Variants in NOVA2 observed in about 807,000 individuals in gnomAD.
NOVA2 encodes NOVA alternative splicing regulator 2.
Under a neutral mutation model 22.5 loss-of-function variants are expected in NOVA2, and 9 were observed. That is an observed-to-expected ratio of 0.40 (90% confidence interval 0.24 to 0.70). The LOEUF is 0.70. NOVA2 is among the 30% of genes least tolerant of loss of function. The pLI is 0.38. For missense variants in NOVA2, 383 were observed against 682.8 expected (o/e 0.56, Z 4.89); for synonymous variants, 318 against 335.2 (o/e 0.95, Z 0.56).
In NOVA2 at chr19:45,940,949, C is replaced by G. The variant is rs754374131; in HGVS notation, c.397-4G>C. On this transcript the variant is annotated splice_polypyrimidine_tract_variant and splice_region_variant and intron_variant, in intron 3 of 3. Transcript: ENST00000263257. Reference sequence around the variant, plus strand: ...TGTTGGGGACGATCAGCTTGGCCTGCGTGGGGAGCAAAAGGGAGGGTCTTT... The same window carrying G: ...TGTTGGGGACGATCAGCTTGGCCTGGGTGGGGAGCAAAAGGGAGGGTCTTT... The G allele has an allele frequency of 6.3e-7, 1 of 1,597,426 alleles. No individual in the cohort carries two copies. The highest frequency in any genetic ancestry group is 8.5e-7 in the Non-Finnish European group (1 of 1,177,858).
rs1967623661 is a variant in NOVA2 at position 45,933,786 on chromosome 19, G to T, written c.*6077C>A. The T allele has an allele frequency of 1.3e-5, 2 of 151,532 alleles. No individual in the cohort carries two copies. Among genetic ancestry groups the T allele is most frequent in the African/African-American group, 2.4e-5 (1 of 41,208 alleles). The allele number at this position is 151,532 out of a possible 1,614,324, so 9.4% of individuals were successfully genotyped here. A position where few individuals can be genotyped will look rare whatever the true frequency, so the allele number is the denominator to read the frequency against. On this transcript the variant is annotated 3_prime_UTR_variant, in exon 4 of 4. Transcript: ENST00000263257. ...AAAAGGTGAAGTCGCCGAGGGGAAA[G>T]GGGTGGGGAAAGGGGGTGTGGTGGG...
intron 2 of NOVA2, among the ~76,000 whole-genome samples, chr19:45,955,949 G>A (rs1158195528): frequency 1.3e-5 from 2 of 152,130 alleles, no homozygotes; most frequent in African/African-American, 4.8e-5. Flanking sequence ...TGGGATACCT[G>A]GGGTGTGTGT....
chr19:45,971,370 C>A (rs1019128335), intron 1 of NOVA2, among the ~76,000 whole-genome samples: 20 of 151,886 alleles, frequency 1.3e-4, no homozygotes, highest in African/African-American at 3.9e-4. Context: ...GGGTCCCTGA[C>A]CTCTCCAGGA....
chr19:45,952,921 T>C (rs527312042), intron 3 of NOVA2, among the ~76,000 whole-genome samples: 2 of 152,312 alleles, frequency 1.3e-5, no homozygotes, highest in East Asian at 3.9e-4. Flanking sequence ...TTTTACGGAC[T>C]CCCTCTCTCC....
chr19:45,956,468 C>A (rs1250682263), intron 2 of NOVA2, among the ~76,000 whole-genome samples: 3 of 81,482 alleles, frequency 3.7e-5, no homozygotes, highest in Admixed American at 1.4e-4. Flanking sequence ...CCATTCTAAG[C>A]ACTTTTTTTT....
chr19:45,943,197 G>A (rs1236980099), intron 3 of NOVA2, among the ~76,000 whole-genome samples: 1 of 151,544 alleles, frequency 6.6e-6, no homozygotes, highest in Non-Finnish European at 1.5e-5. Context: ...GGGATTACAG[G>A]CGCCCACCAC....
At chr19:45,955,274 T>G (rs759517879) in intron 2 of NOVA2, among the ~76,000 whole-genome samples, 1 of 152,062 alleles carries the variant, frequency 6.6e-6, no homozygotes, top group East Asian at 1.9e-4. Context: ...GGATGACCAG[T>G]GTGAATATAC....
chr19:45,945,020 T>C (rs1222513821), intron 3 of NOVA2, among the ~76,000 whole-genome samples: 2 of 152,048 alleles, frequency 1.3e-5, no homozygotes, highest in Non-Finnish European at 2.9e-5. Context: ...AAGATTTCTT[T>C]TGGAGGCCAG....
intron 3 of NOVA2, among the ~76,000 whole-genome samples, chr19:45,949,704 G>A (rs1342894235): frequency 6.7e-6 from 1 of 148,706 alleles, no homozygotes; most frequent in Non-Finnish European, 1.5e-5. Flanking sequence ...CAGGGTTGCT[G>A]TTTCTACAAC....
At chr19:45,955,899 A>G (rs965035210) in intron 2 of NOVA2, among the ~76,000 whole-genome samples, 1 of 151,816 alleles carries the variant, frequency 6.6e-6, no homozygotes, top group East Asian at 1.9e-4. Flanking sequence ...AAGTGTCTTG[A>G]GTGTGCACCA....
Position 45,970,406 on chromosome 19 carries a change from C to T in NOVA2, c.85+2861G>A, listed in dbSNP as rs192352060. On this transcript the variant is annotated intron_variant, in intron 1 of 3. Coordinates refer to ENST00000263257, the MANE Select transcript of NOVA2 (RefSeq NM_002516.4). ...TTTTTTTTTTTTTGAGATGGCGTTT[C>T]GCTCTGTTGCCCAGGCTGGAGTGTG... 2.7e-4 allele frequency among the ~76,000 whole-genome samples: 40 copies of T among 148,848 alleles called. No homozygotes were observed. In the East Asian group the frequency reaches 6.3e-3, roughly 23 times the overall value.
chr19:45,952,261 C>A (rs1001543614), intron 3 of NOVA2, among the ~76,000 whole-genome samples: 5 of 152,162 alleles, frequency 3.3e-5, no homozygotes, highest in Non-Finnish European at 7.3e-5. Context: ...CGAACACTAA[C>A]CATCACCCTT....
intron 2 of NOVA2, among the ~76,000 whole-genome samples, chr19:45,957,304 C>T (rs976703814): frequency 6.6e-5 from 10 of 152,060 alleles, no homozygotes; most frequent in South Asian, 2.1e-4. Flanking sequence ...TTTGGGAGGC[C>T]GAGGCGGGTG....
chr19:45,969,726 T>C (rs1968210907), intron 1 of NOVA2, among the ~76,000 whole-genome samples: 1 of 152,260 alleles, frequency 6.6e-6, no homozygotes, highest in East Asian at 1.9e-4. Context: ...CTGTTTGTTA[T>C]TGTCCTGCCA....
intron 3 of NOVA2, among the ~76,000 whole-genome samples, chr19:45,946,824 A>C (rs1222930093): frequency 6.6e-6 from 1 of 151,568 alleles, no homozygotes; most frequent in African/African-American, 2.4e-5. Context: ...GCGAGCCGAG[A>C]TCATCGCACC....
chr19:45,940,762 T>C lies in NOVA2; in HGVS notation c.580A>G (p.Ser194Gly). 1 of 1,609,312 alleles carries C rather than the reference T, an allele frequency of 6.2e-7. No homozygotes were observed. The highest frequency in any genetic ancestry group is 8.5e-7 in the Non-Finnish European group (1 of 1,179,900). Reference protein sequence around the residue: ...GEPEQVHKAVSAIVQKVQEDP... With the variant: ...GEPEQVHKAVGAIVQKVQEDP... ...TCTTGTACCTTCTGCACGATGGCGC[T>C]CACGGCCTTGTGCACCTGCTCGGGC... Residue 194 changes from serine (S) to glycine (G), a missense_variant, in exon 4 of 4, where the codon AGC becomes GGC. Transcript: ENST00000263257.
intron 2 of NOVA2, among the ~76,000 whole-genome samples, chr19:45,954,240 G>A (rs2146417063): frequency 6.6e-6 from 1 of 152,332 alleles, no homozygotes; most frequent in East Asian, 1.9e-4. Context: ...CCTGGGCAGG[G>A]GAGACAGGGC....
At chr19:45,964,585 T>TCTCTCTCTCTCTCTCTA (rs1398689110) in intron 1 of NOVA2, among the ~76,000 whole-genome samples, 1 of 17,468 alleles carries the variant, frequency 5.7e-5, no homozygotes. Context: ...CTCTCTCTCT[T>TCTCTCTCTCTCTCTCTA]TCTCTTTCTC....
At chr19:45,965,571 A>G (rs1161317486) in intron 1 of NOVA2, among the ~76,000 whole-genome samples, 1 of 152,120 alleles carries the variant, frequency 6.6e-6, no homozygotes, top group African/African-American at 2.4e-5. Flanking sequence ...CTCCACTAAA[A>G]CTACAAAAAT....
Sources: gnomAD v4.1 joint callset for allele counts (sites outside exome capture counted in the v4.1 genomes callset) on GRCh38, gnomAD v4.1.1 for gene constraint, MANE v1.5 for transcripts, NCBI Gene and HGNC (gene_info 2026-07-23, HGNC 2026-07-21) for gene names.